Variants in SORCS1 observed in about 807,000 individuals in gnomAD.
The protein encoded by SORCS1 is VPS10 domain-containing receptor SorCS1.
SORCS1 carries 60 observed loss-of-function variants against 146.1 expected under a neutral mutation model. That is an observed-to-expected ratio of 0.41 (90% CI 0.33 to 0.51). The LOEUF (loss-of-function observed/expected upper bound fraction) is 0.51. Among genes scored for constraint, SORCS1 ranks in the 20% least tolerant of loss-of-function variants. The pLI is 0.21. For synonymous variants in SORCS1, 637 were observed against 584.0 expected, an observed-to-expected ratio of 1.09 and a Z score of -1.31; for missense variants, 1,352 against 1,487.6, an observed-to-expected ratio of 0.91 and a Z score of 1.50.
chr10:107,149,408 A>G (rs1356309010), intron 1 of SORCS1, among the ~76,000 whole-genome samples: 1 of 152,194 alleles, frequency 6.6e-6, no homozygotes, highest in African/African-American at 2.4e-5. Flanking sequence ...CATACGTGGT[A>G]ACCATCCGAT....
In SORCS1 at chr10:106,652,523, A is replaced by G. The variant is rs759411493; in HGVS notation, c.2334T>C (p.Thr778=). ...GYRKVVSNNC[T]DGVREQYTAK... is the part of the protein sequence containing the mutation. ...CAGTGTACTGTTCCCTTACGCCATCAGTGCAATTATTGGAAACCACCTTCC... is the reference window on the plus strand; with the variant it reads ...CAGTGTACTGTTCCCTTACGCCATCGGTGCAATTATTGGAAACCACCTTCC... The change falls in exon 18 of 26, where the codon ACT becomes ACC. Residue 778 remains threonine (T), a synonymous_variant. Transcript: ENST00000263054. 1.9e-6 allele frequency: 3 copies of G among 1,613,958 alleles called. No homozygotes were observed.
At chr10:106,992,241 C>G (rs1278124220) in intron 1 of SORCS1, among the ~76,000 whole-genome samples, 1 of 152,158 alleles carries the variant, frequency 6.6e-6, no homozygotes, top group African/African-American at 2.4e-5. Context: ...TCCGTATATT[C>G]GTCCCAATAT....
At chr10:106,862,566 C>A (rs1384953652) in intron 2 of SORCS1, among the ~76,000 whole-genome samples, 3 of 151,948 alleles carry the variant, frequency 2.0e-5, no homozygotes, top group Non-Finnish European at 4.4e-5. Context: ...ATTTCACCCC[C>A]GACCCAACAC....
intron 2 of SORCS1, among the ~76,000 whole-genome samples, chr10:106,901,684 C>T (rs1402563710): frequency 6.6e-6 from 1 of 152,200 alleles, no homozygotes; most frequent in Non-Finnish European, 1.5e-5. Context: ...ATCTGCTCAC[C>T]TTGGCCTCTG....
intron 1 of SORCS1, among the ~76,000 whole-genome samples, chr10:106,976,333 G>GTTTTTTTTTTGTTTTTTTTTTTTTT (rs757120275): frequency 8.8e-6 from 1 of 113,812 alleles, no homozygotes; most frequent in Admixed American, 9.2e-5. Flanking sequence ...AGGTTTTTTT[G>GTTTTTTTTTTGTTTTTTTTTTTTTT]TTTTTTTTTT....
intron 1 of SORCS1, among the ~76,000 whole-genome samples, chr10:107,085,825 A>G (rs1260260619): frequency 6.6e-6 from 1 of 152,330 alleles, no homozygotes; most frequent in Middle Eastern, 3.4e-3. Flanking sequence ...GACAATGAGC[A>G]TTTTGTATTA....
chr10:106,727,607 A>C (rs139448749), intron 6 of SORCS1, among the ~76,000 whole-genome samples: 113 of 152,346 alleles, frequency 7.4e-4, no homozygotes, highest in African/African-American at 2.6e-3. Context: ...TGATCGAATA[A>C]ACACGTAAAA....
At chr10:106,650,565 CTGGGACA>C (rs1849785372) in intron 18 of SORCS1, among the ~76,000 whole-genome samples, 2 of 152,176 alleles carry the variant, frequency 1.3e-5, no homozygotes. Context: ...TTCCTTCTCC[CTGGGACA>C]TGACCTCATC....
At chr10:106,870,154 G>T (rs997450421) in intron 2 of SORCS1, among the ~76,000 whole-genome samples, 4 of 152,056 alleles carry the variant, frequency 2.6e-5, no homozygotes, top group African/African-American at 9.6e-5. Context: ...AATATTTCTA[G>T]AATGAAAATT....
chr10:106,772,031 G>C (rs1234326816), intron 4 of SORCS1, among the ~76,000 whole-genome samples: 1 of 152,144 alleles, frequency 6.6e-6, no homozygotes, highest in Admixed American at 6.5e-5. Context: ...GTGTCGACTT[G>C]GCTAAGAGAT....
intron 6 of SORCS1, among the ~76,000 whole-genome samples, chr10:106,712,946 C>A (rs926759495): frequency 1.3e-5 from 2 of 152,300 alleles, no homozygotes; most frequent in African/African-American, 4.8e-5. Context: ...CCTACTCAAG[C>A]CTTCCTTCTC....
At chr10:106,817,853 A>G (rs1166388989) in intron 3 of SORCS1, among the ~76,000 whole-genome samples, 1 of 152,180 alleles carries the variant, frequency 6.6e-6, no homozygotes, top group African/African-American at 2.4e-5. Flanking sequence ...TCTGTTGTGA[A>G]TGTCATGACT....
intron 2 of SORCS1, among the ~76,000 whole-genome samples, chr10:106,952,905 T>A (rs1954759222): frequency 1.3e-5 from 2 of 151,836 alleles, no homozygotes; most frequent in African/African-American, 4.8e-5. Flanking sequence ...ATCACTTTTA[T>A]CTGGGTGTTT....
intron 1 of SORCS1, among the ~76,000 whole-genome samples, chr10:107,023,491 G>T (rs1958246820): frequency 6.6e-6 from 1 of 152,068 alleles, no homozygotes; most frequent in Admixed American, 6.5e-5. Context: ...GTGCTAGAGG[G>T]CACAGGTATC....
rs74154836 is a variant in SORCS1 at position 107,042,196 on chromosome 10, T to C, written c.559-85616A>G. On this transcript the variant is annotated intron_variant, in intron 1 of 25. Transcript: ENST00000263054. ...CCTGTTGTGGTTTAGAACTTGTATC[T>C]ATAAATTTCATTCTGTCTTTGAGTC... Among the ~76,000 whole-genome samples the C allele has an allele frequency of 2.7e-3, 412 of 152,356 alleles. 5 individuals carry two copies. Among genetic ancestry groups the C allele is most frequent in the African/African-American group, 9.4e-3 (390 of 41,582 alleles).
At chr10:106,803,427 C>T (rs950650443) in intron 3 of SORCS1, among the ~76,000 whole-genome samples, 2 of 152,128 alleles carry the variant, frequency 1.3e-5, no homozygotes, top group African/African-American at 4.8e-5. Flanking sequence ...AATCATTCAC[C>T]TACAGATAAA....
In SORCS1 at chr10:106,703,690, C is replaced by T. The variant is rs183169183; in HGVS notation, c.1233+2855G>A. 3.6e-3 allele frequency among the ~76,000 whole-genome samples: 554 copies of T among 152,296 alleles called. 3 individuals carry two copies. Among genetic ancestry groups the T allele is most frequent in the African/African-American group, 0.013 (537 of 41,554 alleles). ...TAAAAGTGCTGGTTTGTCTCAATTC[C>T]TTTGGTCGGCATGAAGCTTTGTTCA... On this transcript the variant is annotated intron_variant, in intron 8 of 25. Coordinates refer to ENST00000263054, the MANE Select transcript of SORCS1 (RefSeq NM_052918.5).
At chr10:106,651,454 T>C (rs546983230) in intron 18 of SORCS1, among the ~76,000 whole-genome samples, 86 of 152,306 alleles carry the variant, frequency 5.6e-4, no homozygotes, top group African/African-American at 1.9e-3. Context: ...TTTAAGGATG[T>C]GGCCAAGAAA....
At chr10:106,738,897 C>T (rs985431277) in intron 5 of SORCS1, among the ~76,000 whole-genome samples, 6 of 152,128 alleles carry the variant, frequency 3.9e-5, no homozygotes, top group Non-Finnish European at 7.4e-5. Context: ...TATACTGCCC[C>T]GGCTGGTCTT....
Sources: allele counts gnomAD v4.1 joint callset (sites outside exome capture counted in the v4.1 genomes callset), GRCh38; gene constraint gnomAD v4.1.1; transcripts MANE v1.5; gene names NCBI Gene and HGNC (gene_info 2026-07-23, HGNC 2026-07-21).